The following CAMK4 variants were observed in gnomAD, a reference collection of about 807,000 sequenced individuals.
CAMK4 encodes the protein calcium/calmodulin dependent protein kinase IV.
In CAMK4, 22 loss-of-function variants were observed where a neutral mutation model predicts 44.9. The observed-to-expected ratio is 0.49, with a 90% CI of 0.35 to 0.70. The LOEUF is 0.70. Ranked by LOEUF, CAMK4 falls within the 30% of genes least tolerant of loss-of-function variation. CAMK4 has a pLI of 0.01. For missense variants in CAMK4, 498 were observed against 586.8 expected (o/e 0.85, Z 1.56); for synonymous variants, 218 against 215.4 (o/e 1.01, Z -0.11).
chr5:111,229,220 T>TC (rs1229432433), intron 1 of CAMK4, among the ~76,000 whole-genome samples: 1 of 152,178 alleles, frequency 6.6e-6, no homozygotes, highest in Admixed American at 6.5e-5. Context: ...GGCTAGGAAG[T>TC]CCAAGATCAG....
intron 1 of CAMK4, among the ~76,000 whole-genome samples, chr5:111,250,567 AG>A (rs1749442227): frequency 1.3e-5 from 2 of 152,250 alleles, no homozygotes; most frequent in South Asian, 4.1e-4. Flanking sequence ...TCCACTTCCC[AG>A]TATACTGTTT....
chr5:111,437,420 C>T (rs1361520097), intron 5 of CAMK4, among the ~76,000 whole-genome samples: 1 of 152,102 alleles, frequency 6.6e-6, no homozygotes, highest in Admixed American at 6.6e-5. Context: ...TTACTGAATG[C>T]ATAGTTAGTG....
At chr5:111,465,120 G>A (rs1046086664) in intron 7 of CAMK4, among the ~76,000 whole-genome samples, 5 of 152,074 alleles carry the variant, frequency 3.3e-5, no homozygotes, top group Admixed American at 2.0e-4. Context: ...TTGAATTTCT[G>A]TAAATAATAA....
Position 111,466,327 on chromosome 5 carries a change from A to G in CAMK4, c.626-6984A>G, listed in dbSNP as rs147709685. 3.5e-3 allele frequency among the ~76,000 whole-genome samples: 535 copies of G among 152,322 alleles called. 2 individuals are homozygous for G. The highest frequency in any genetic ancestry group is 0.012 in the African/African-American group (510 of 41,574). ...CCCACTGTCACAACTTCTATTCATC[A>G]TAGTACTGGAAGTCCTAGCCAGAGC... On this transcript the variant is annotated intron_variant, in intron 7 of 10. Transcript: ENST00000282356.
chr5:111,374,621 G>C (rs1751140286), intron 2 of CAMK4, among the ~76,000 whole-genome samples: 1 of 152,108 alleles, frequency 6.6e-6, no homozygotes, highest in Admixed American at 6.6e-5. Context: ...GCCATGTTAG[G>C]AGTCTGACAA....
Position 111,272,449 on chromosome 5 carries a change from C to A in CAMK4, c.161+47805C>A, listed in dbSNP as rs183627623. Reference sequence around the variant, plus strand: ...ACATTATACTCTTAAGTGGCAGGAACCTAGATTTGAGCCTAGAGCTGAGCA... The same window carrying A: ...ACATTATACTCTTAAGTGGCAGGAAACTAGATTTGAGCCTAGAGCTGAGCA... On this transcript the variant is annotated intron_variant, in intron 1 of 10. Transcript: ENST00000282356. Among the ~76,000 whole-genome samples, 8 of 152,136 alleles carry A rather than the reference C, an allele frequency of 5.3e-5. No individual in the cohort carries two copies. In the East Asian group the frequency reaches 1.2e-3, roughly 22 times the overall value.
chr5:111,342,766 T>C (rs541130659), intron 1 of CAMK4, among the ~76,000 whole-genome samples: 1 of 151,670 alleles, frequency 6.6e-6, no homozygotes, highest in East Asian at 2.0e-4. Context: ...ATTTTTCTAT[T>C]AAAGAATTAG....
intron 2 of CAMK4, among the ~76,000 whole-genome samples, chr5:111,361,216 T>G (rs1393609996): frequency 6.6e-6 from 1 of 152,068 alleles, no homozygotes; most frequent in African/African-American, 2.4e-5. Context: ...TCAGGAGTAT[T>G]ATTTTTATTT....
intron 5 of CAMK4, among the ~76,000 whole-genome samples, chr5:111,402,493 G>A (rs1752264620): frequency 6.6e-6 from 1 of 152,188 alleles, no homozygotes; most frequent in South Asian, 2.1e-4. Context: ...GCTTAATGAT[G>A]TTTATCCATT....
At chr5:111,308,725 A>G (rs1412029927) in intron 1 of CAMK4, among the ~76,000 whole-genome samples, 3 of 152,228 alleles carry the variant, frequency 2.0e-5, no homozygotes, top group Non-Finnish European at 4.4e-5. Flanking sequence ...ATGGAAAACA[A>G]TAGCTTATTA....
intron 7 of CAMK4, among the ~76,000 whole-genome samples, chr5:111,462,283 T>C (rs1228626376): frequency 6.6e-6 from 1 of 152,216 alleles, no homozygotes. Flanking sequence ...GCCAACCCCG[T>C]ACTAAAAATA....
intron 1 of CAMK4, among the ~76,000 whole-genome samples, chr5:111,300,504 CAAA>C (rs1308170468): frequency 2.0e-5 from 3 of 151,880 alleles, no homozygotes; most frequent in Non-Finnish European, 2.9e-5. Flanking sequence ...GCTTTCTTCT[CAAA>C]GAAAAAAATT....
intron 1 of CAMK4, among the ~76,000 whole-genome samples, chr5:111,265,189 T>C (rs1750180711): frequency 6.6e-6 from 1 of 152,172 alleles, no homozygotes; most frequent in African/African-American, 2.4e-5. Flanking sequence ...AAACACCCCC[T>C]GAAACACTGA....
intron 5 of CAMK4, among the ~76,000 whole-genome samples, chr5:111,443,303 C>T (rs1225637365): frequency 2.9e-5 from 4 of 136,544 alleles, no homozygotes; most frequent in Non-Finnish European, 6.2e-5. Context: ...CACACACACA[C>T]ACACACACAC....
rs549146629 is a variant in CAMK4 at position 111,492,173 on chromosome 5, T to A, written c.*7707T>A. 11 of 152,148 alleles carry A rather than the reference T, an allele frequency of 7.2e-5. No homozygotes were observed. The highest frequency in any genetic ancestry group is 2.2e-4 in the African/African-American group (9 of 41,530). The allele number at this position is 152,148 out of a possible 1,614,324, so 9.4% of individuals were successfully genotyped here. A position where few individuals can be genotyped will look rare whatever the true frequency, so the allele number is the denominator to read the frequency against. ...AGTGACCGAGATATGGAGAAAAACA[T>A]AGGCATTCATGACCTTTGTGTTTCC... On this transcript the variant is annotated 3_prime_UTR_variant, in exon 11 of 11. Transcript: ENST00000282356.
intron 5 of CAMK4, among the ~76,000 whole-genome samples, chr5:111,440,229 C>A (rs1753777602): frequency 6.6e-6 from 1 of 152,026 alleles, no homozygotes; most frequent in Non-Finnish European, 1.5e-5. Flanking sequence ...GACCTTGACT[C>A]AGGAGTCAGG....
intron 1 of CAMK4, among the ~76,000 whole-genome samples, chr5:111,342,851 G>A (rs1213853499): frequency 6.6e-6 from 1 of 151,516 alleles, no homozygotes; most frequent in Non-Finnish European, 1.5e-5. Flanking sequence ...CAGACATGTA[G>A]TATAAGGATT....
chr5:111,403,271 G>A (rs1209897462), intron 5 of CAMK4, among the ~76,000 whole-genome samples: 2 of 152,166 alleles, frequency 1.3e-5, no homozygotes, highest in Admixed American at 1.3e-4. Flanking sequence ...TTCTATGAAT[G>A]TCATTCCTGC....
chr5:111,287,387 TA>T (rs1020250866), intron 1 of CAMK4, among the ~76,000 whole-genome samples: 11 of 151,876 alleles, frequency 7.2e-5, no homozygotes, highest in Admixed American at 5.2e-4. Flanking sequence ...AAAAGATCAA[TA>T]AAAAAAAGCT....
Sources: gnomAD v4.1 joint callset for allele counts (sites outside exome capture counted in the v4.1 genomes callset) on GRCh38, gnomAD v4.1.1 for gene constraint, MANE v1.5 for transcripts, NCBI Gene and HGNC (gene_info 2026-07-23, HGNC 2026-07-21) for gene names.